The following MYO5B variants were observed in gnomAD, a reference collection of about 807,000 sequenced individuals.
MYO5B encodes the protein unconventional myosin-Vb.
A neutral mutation model predicts 229.3 loss-of-function variants in MYO5B; 143 were observed. That is an observed-to-expected ratio of 0.62 (90% CI 0.54 to 0.72). The LOEUF (loss-of-function observed/expected upper bound fraction) is 0.72, where lower values mean the gene tolerates loss of function less well. MYO5B is among the 30% of genes least tolerant of loss of function. The pLI is 0.00. For synonymous variants in MYO5B, 918 were observed against 885.2 expected, an observed-to-expected ratio of 1.04 and a Z score of -0.66; for missense variants, 2,321 against 2,331.0, an observed-to-expected ratio of 1.00 and a Z score of 0.09.
At position 50,070,668 on chromosome 18, in the gene MYO5B, C is replaced by T. The variant is rs77269149; in HGVS notation, c.28-15290G>A. Reference sequence around the variant, plus strand: ...AAAAACAAAAACACCTCATCCTGCACGATACCATTCCCCTGCTTAAAAATG... The same window carrying T: ...AAAAACAAAAACACCTCATCCTGCATGATACCATTCCCCTGCTTAAAAATG... On this transcript the variant is annotated intron_variant, in intron 1 of 39. Coordinates refer to ENST00000285039, the MANE Select transcript of MYO5B (RefSeq NM_001080467.3). Among the ~76,000 whole-genome samples, 31 of 152,186 alleles carry T rather than the reference C, an allele frequency of 2.0e-4. No homozygotes were observed. In the East Asian group the frequency reaches 5.0e-3, roughly 25 times the overall value.
intron 5 of MYO5B, among the ~76,000 whole-genome samples, chr18:49,998,010 G>A (rs1205547048): frequency 1.3e-5 from 2 of 152,162 alleles, no homozygotes; most frequent in Admixed American, 6.5e-5. Flanking sequence ...AACTGACTGG[G>A]CTTCCTGATA....
Position 49,953,967 on chromosome 18 carries a change from A to ATG in MYO5B, c.1668+344_1668+345dup, listed in dbSNP as rs1240962514. Among the ~76,000 whole-genome samples the ATG allele has an allele frequency of 6.1e-5, 4 of 65,150 alleles. No individual in the cohort carries two copies. The East Asian group carries it at 1.8e-3, about 29-fold the overall frequency. The allele number at this position is 65,150 out of a possible 152,430, so 42.7% of individuals were successfully genotyped here. ...TATATACAGACATGTGTGTGTGTGT[A>ATG]TGTGTGTGTGTATAGACTATATATA... On this transcript the variant is annotated intron_variant, in intron 13 of 39. Transcript: ENST00000285039.
intron 1 of MYO5B, among the ~76,000 whole-genome samples, chr18:50,101,874 C>T (rs2031661366): frequency 6.6e-6 from 1 of 152,110 alleles, no homozygotes; most frequent in Non-Finnish European, 1.5e-5. Context: ...CCCAGCAATC[C>T]CATTACTGGG....
At chr18:50,104,195 A>G (rs1198868196) in intron 1 of MYO5B, among the ~76,000 whole-genome samples, 1 of 147,984 alleles carries the variant, frequency 6.8e-6, no homozygotes, top group Admixed American at 6.8e-5. Context: ...AATTATACCT[A>G]GCGAGGAGGA....
At chr18:49,934,710 T>C (rs2025230414) in intron 16 of MYO5B, among the ~76,000 whole-genome samples, 1 of 152,168 alleles carries the variant, frequency 6.6e-6, no homozygotes, top group Non-Finnish European at 1.5e-5. Context: ...CCTAAGCATG[T>C]CTCAGAGATT....
intron 39 of MYO5B, 137 bp from the exon 40 acceptor site, chr18:49,826,760 A>G: frequency 9.6e-7 from 1 of 1,042,416 alleles, no homozygotes; most frequent in South Asian, 1.3e-5. Flanking sequence ...GACTAGGAGA[A>G]TGTGATCTCC....
intron 33 of MYO5B, among the ~76,000 whole-genome samples, chr18:49,844,117 G>A (rs937831401): frequency 2.6e-5 from 4 of 152,192 alleles, no homozygotes; most frequent in Non-Finnish European, 4.4e-5. Flanking sequence ...GGACTGGAAG[G>A]GCCTTGTGAG....
intron 1 of MYO5B, chr18:50,099,030 G>C (rs1250338858): frequency 6.5e-6 from 1 of 152,760 alleles, no homozygotes; most frequent in Middle Eastern, 3.2e-3. Flanking sequence ...ACAACTACAA[G>C]AGCTGAATGA....
At chr18:49,982,080 G>GT (rs2025821818) in intron 8 of MYO5B, among the ~76,000 whole-genome samples, 1 of 152,130 alleles carries the variant, frequency 6.6e-6, no homozygotes, top group East Asian at 1.9e-4. Context: ...TTTCTACTTC[G>GT]TTTATCTATT....
chr18:49,986,714 A>G (rs1380544467), intron 7 of MYO5B, among the ~76,000 whole-genome samples: 1 of 152,072 alleles, frequency 6.6e-6, no homozygotes, highest in Non-Finnish European at 1.5e-5. Context: ...AAAAGTACCA[A>G]TTTTTTTCCC....
chr18:50,167,827 A>G (rs921759420), intron 1 of MYO5B, among the ~76,000 whole-genome samples: 13 of 152,168 alleles, frequency 8.5e-5, no homozygotes, highest in Admixed American at 3.3e-4. Context: ...CAAGTCCCCA[A>G]AATAAATCAA....
In MYO5B at chr18:50,084,312, A is replaced by G. The variant is rs145075934; in HGVS notation, c.28-28934T>C. On this transcript the variant is annotated intron_variant, in intron 1 of 39. Transcript: ENST00000285039. ...GTTTTTCTAAAACTCTGCTTTAACC[A>G]TTTTTACTACTCTCTCTAGAGTTAG... is the stretch of plus-strand genomic sequence containing the variant. Among the ~76,000 whole-genome samples the G allele has an allele frequency of 2.6e-3, 403 of 152,148 alleles. 1 individual carries two copies. The highest frequency in any genetic ancestry group is 9.5e-3 in the African/African-American group (394 of 41,502).
At chr18:49,881,620 G>C (rs1170920412) in intron 22 of MYO5B, among the ~76,000 whole-genome samples, 1 of 151,972 alleles carries the variant, frequency 6.6e-6, no homozygotes, top group Non-Finnish European at 1.5e-5. Flanking sequence ...GGCTAACACG[G>C]TGAAATCCCA....
At chr18:50,135,192 C>T (rs1383193145) in intron 1 of MYO5B, among the ~76,000 whole-genome samples, 1 of 152,216 alleles carries the variant, frequency 6.6e-6, no homozygotes, top group Non-Finnish European at 1.5e-5. Context: ...CCACTTCTTA[C>T]TCCCTGTACT....
chr18:50,092,536 T>A (rs914365371), intron 1 of MYO5B, among the ~76,000 whole-genome samples: 3 of 152,122 alleles, frequency 2.0e-5, no homozygotes, highest in Admixed American at 1.3e-4. Context: ...TGTTTTTTTT[T>A]AAACACAAGA....
At chr18:49,861,218 T>C (rs2024325220) in intron 29 of MYO5B, among the ~76,000 whole-genome samples, 1 of 152,222 alleles carries the variant, frequency 6.6e-6, no homozygotes, top group South Asian at 2.1e-4. Context: ...TTTTAAGATA[T>C]AATAAAAGCT....
intron 1 of MYO5B, among the ~76,000 whole-genome samples, chr18:50,182,887 G>T (rs1184500822): frequency 3.3e-5 from 5 of 152,122 alleles, no homozygotes; most frequent in Non-Finnish European, 7.3e-5. Context: ...AATGATATTT[G>T]TTGAGTTCCT....
At chr18:50,028,580 G>C (rs1475447099) in intron 4 of MYO5B, among the ~76,000 whole-genome samples, 1 of 152,212 alleles carries the variant, frequency 6.6e-6, no homozygotes, top group Non-Finnish European at 1.5e-5. Flanking sequence ...AGCTGCACAG[G>C]AAGAGCTCAG....
chr18:50,150,136 C>T (rs1202953914), intron 1 of MYO5B, among the ~76,000 whole-genome samples: 5 of 140,378 alleles, frequency 3.6e-5, no homozygotes. Context: ...CAATGAGATA[C>T]CATCTCACAC....
Sources: allele counts gnomAD v4.1 joint callset (sites outside exome capture counted in the v4.1 genomes callset), GRCh38; gene constraint gnomAD v4.1.1; transcripts MANE v1.5; gene names NCBI Gene and HGNC (gene_info 2026-07-23, HGNC 2026-07-21).